KBTBD12: variants seen among roughly 807,000 people sequenced by gnomAD.
KBTBD12 encodes kelch repeat and BTB domain containing 12, also known as kelch repeat and BTB domain-containing protein 12.
Under a neutral mutation model 58.7 loss-of-function variants are expected in KBTBD12, and 53 were observed. The ratio of observed to expected loss-of-function variants is 0.90; its 90% CI spans 0.72 to 1.14. KBTBD12 has a LOEUF of 1.14. KBTBD12 is among the 50% of genes most tolerant of loss of function. The pLI, the probability that KBTBD12 is intolerant of heterozygous loss-of-function variation, is 0.00. For synonymous variants in KBTBD12, 236 were observed against 259.8 expected, an observed-to-expected ratio of 0.91 and a Z score of 0.88; for missense variants, 704 against 751.3, an observed-to-expected ratio of 0.94 and a Z score of 0.74.
intron 4 of KBTBD12, among the ~76,000 whole-genome samples, chr3:127,943,786 C>T (rs1262294641): frequency 6.6e-6 from 1 of 152,050 alleles, no homozygotes; most frequent in East Asian, 1.9e-4. Context: ...CAACTTTTCC[C>T]TATGTTTTCT....
At chr3:127,962,198 C>CG (rs771130199) in intron 4 of KBTBD12, among the ~76,000 whole-genome samples, 72 of 152,280 alleles carry the variant, frequency 4.7e-4, no homozygotes, top group Non-Finnish European at 7.9e-4. Context: ...TCCCTCCTTC[C>CG]GGGGGGTTTA....
At chr3:127,921,230 A>G (rs1559758636) in intron 1 of KBTBD12, among the ~76,000 whole-genome samples, 1 of 152,110 alleles carries the variant, frequency 6.6e-6, no homozygotes, top group Non-Finnish European at 1.5e-5. Context: ...AGGCTAAGGA[A>G]CGTGTTAATA....
intron 3 of KBTBD12, chr3:127,928,259 C>A: frequency 3.7e-6 from 2 of 536,178 alleles, no homozygotes; most frequent in Non-Finnish European, 6.7e-6. Context: ...AGTTTTCATG[C>A]TGTGCTCTTT....
intron 5 of KBTBD12, among the ~76,000 whole-genome samples, chr3:127,974,890 A>G (rs547355741): frequency 9.5e-4 from 145 of 152,230 alleles, no homozygotes; most frequent in African/African-American, 3.2e-3. Context: ...GGAGAATGGC[A>G]TGAACCTGGG....
intron 1 of KBTBD12, among the ~76,000 whole-genome samples, chr3:127,922,534 G>A (rs938472539): frequency 2.0e-4 from 31 of 152,120 alleles, no homozygotes; most frequent in African/African-American, 7.5e-4. Context: ...ACAGTTCGGT[G>A]TATTTTTTGG....
intron 5 of KBTBD12, among the ~76,000 whole-genome samples, chr3:127,974,550 G>A (rs1940743417): frequency 6.6e-6 from 1 of 152,192 alleles, no homozygotes; most frequent in South Asian, 2.1e-4. Context: ...GAGAAGCTAA[G>A]ATCCCATCCC....
At chr3:127,960,414 C>A (rs1313433041) in intron 4 of KBTBD12, among the ~76,000 whole-genome samples, 1 of 152,088 alleles carries the variant, frequency 6.6e-6, no homozygotes, top group African/African-American at 2.4e-5. Context: ...TTGGATATGA[C>A]CTGCAAATAT....
intron 4 of KBTBD12, among the ~76,000 whole-genome samples, chr3:127,944,707 T>G (rs1298828260): frequency 6.6e-6 from 1 of 152,158 alleles, no homozygotes; most frequent in Non-Finnish European, 1.5e-5. Context: ...TCCAGTACTA[T>G]GTTGTATAGA....
At chr3:127,941,310 T>G (rs1229907811) in intron 4 of KBTBD12, among the ~76,000 whole-genome samples, 1 of 152,132 alleles carries the variant, frequency 6.6e-6, no homozygotes, top group Non-Finnish European at 1.5e-5. Flanking sequence ...CCCAGCAATA[T>G]ATGTAGAAAA....
chr3:127,939,614 T>C (rs997070621), intron 4 of KBTBD12, among the ~76,000 whole-genome samples: 6 of 152,044 alleles, frequency 3.9e-5, no homozygotes, highest in Middle Eastern at 6.8e-3. Flanking sequence ...CAAAGAGATA[T>C]AGTAAAAATC....
chr3:127,920,640 G>A (rs545065969), intron 1 of KBTBD12, among the ~76,000 whole-genome samples: 4 of 152,142 alleles, frequency 2.6e-5, no homozygotes, highest in African/African-American at 9.6e-5. Flanking sequence ...ATAATGTAAA[G>A]ATTATAAAAT....
chr3:127,923,118 T>C lies in KBTBD12; in HGVS notation c.57T>C (p.Asn19=), dbSNP rs766623897. 3.1e-6 allele frequency: 5 copies of C among 1,612,342 alleles called. No individual in the cohort carries two copies. In the Admixed American group the frequency reaches 8.3e-5, roughly 27 times the overall value. Residue 19 remains asparagine (N), a synonymous_variant, in exon 2 of 6, where the codon AAT becomes AAC. Transcript: ENST00000405109. The part of the protein sequence containing the change: ...EKYQHSLNLL[N]KIQNMKELAE... The stretch of plus-strand genomic sequence containing the variant: ...ACCAACATAGCTTGAATTTACTGAA[T>C]AAAATTCAGAACATGAAAGAATTAG...
rs954886073 is a variant in KBTBD12, at chr3:127,984,274, A to G, written c.1868A>G (p.His623Arg). The change falls in exon 6 of 6, where the codon CAC (histidine) becomes CGC (arginine). Residue 623 changes from histidine to arginine, a missense_variant. His to Arg is a conservative substitution (Grantham distance 29). Transcript: ENST00000405109. ...PSDLVEEGNE[H>R] ...GATTTGGTGGAAGAAGGCAATGAGC[A>G]CTAAGGTGACCTTGCTGGAGGACCT... The G allele has an allele frequency of 6.2e-7, 1 of 1,612,732 alleles. No homozygotes were observed. Among genetic ancestry groups the G allele is most frequent in the Non-Finnish European group, 8.5e-7 (1 of 1,179,394 alleles).
Position 127,984,208 on chromosome 3 carries a change from T to C in KBTBD12, c.1802T>C (p.Val601Ala), listed in dbSNP as rs182302391. ...LMHDSYDVCL[V>A]ARMNPRDLIP... is the part of the protein sequence containing the mutation. ...CATGACAGCTATGATGTCTGCCTAGTAGCCAGGATGAATCCCCGAGACCTC... is the reference window on the plus strand; with the variant it reads ...CATGACAGCTATGATGTCTGCCTAGCAGCCAGGATGAATCCCCGAGACCTC... Residue 601 changes from valine (V) to alanine (A), a missense_variant, in exon 6 of 6, where the codon GTA becomes GCA. Val to Ala is a moderately conservative substitution (Grantham distance 64). Transcript: ENST00000405109. 2.7e-4 allele frequency: 440 copies of C among 1,614,004 alleles called. 2 individuals carry two copies. In the East Asian group the frequency reaches 8.3e-3, roughly 30 times the overall value.
chr3:127,969,349 G>A (rs540391587), intron 5 of KBTBD12, among the ~76,000 whole-genome samples: 1 of 151,958 alleles, frequency 6.6e-6, no homozygotes, highest in South Asian at 2.1e-4. Context: ...AATAAAATAG[G>A]AGTAAATTTA....
At chr3:127,916,053 C>G (rs1440001665) in intron 1 of KBTBD12, among the ~76,000 whole-genome samples, 1 of 152,204 alleles carries the variant, frequency 6.6e-6, no homozygotes, top group East Asian at 1.9e-4. Flanking sequence ...AATAATTGCC[C>G]TACATTTTCC....
intron 4 of KBTBD12, among the ~76,000 whole-genome samples, chr3:127,957,395 T>G (rs1051523064): frequency 1.2e-4 from 19 of 152,330 alleles, no homozygotes; most frequent in African/African-American, 4.3e-4. Flanking sequence ...ATTTCTAAGC[T>G]GTGGAATAGG....
chr3:127,949,962 C>G (rs1327143035), intron 4 of KBTBD12, among the ~76,000 whole-genome samples: 1 of 152,156 alleles, frequency 6.6e-6, no homozygotes, highest in Admixed American at 6.5e-5. Context: ...AGGGTAATCA[C>G]TAAATTATGA....
At chr3:127,960,034 C>G (rs1183115421) in intron 4 of KBTBD12, among the ~76,000 whole-genome samples, 8 of 152,198 alleles carry the variant, frequency 5.3e-5, no homozygotes, top group Non-Finnish European at 7.3e-5. Flanking sequence ...AAACCCCCAC[C>G]TCCTGTTCTG....
Sources: allele counts gnomAD v4.1 joint callset (sites outside exome capture counted in the v4.1 genomes callset), GRCh38; gene constraint gnomAD v4.1.1; transcripts MANE v1.5; gene names NCBI Gene and HGNC (gene_info 2026-07-23, HGNC 2026-07-21).